The following CDYL2 variants were observed in gnomAD, a reference collection of about 807,000 sequenced individuals.
The protein encoded by CDYL2 is chromodomain Y-like protein 2.
CDYL2 carries 23 observed loss-of-function variants against 49.4 expected under a neutral mutation model. That is an observed-to-expected ratio of 0.47 (90% CI 0.34 to 0.66). CDYL2 has a LOEUF of 0.66. CDYL2 is among the 30% of genes least tolerant of loss of function. CDYL2 has a pLI of 0.01. For missense variants in CDYL2, 678 were observed against 656.4 expected, an observed-to-expected ratio of 1.03 and a Z score of -0.36; for synonymous variants, 360 against 268.8, an observed-to-expected ratio of 1.34 and a Z score of -3.32.
chr16:80,650,938 A>G (rs1908555799), intron 2 of CDYL2, among the ~76,000 whole-genome samples: 3 of 132,632 alleles, frequency 2.3e-5, no homozygotes, highest in Non-Finnish European at 4.7e-5. Context: ...GCTCATAGAA[A>G]TACAGAAGAG....
rs539665502 is a variant in CDYL2 at position 80,777,112 on chromosome 16, G to A, written c.24+27038C>T. The stretch of plus-strand genomic sequence containing the variant: ...GCTAGGATTACAGGCGTGAGTCACC[G>A]TGCCCGGCATGTAAAATTATTTTTT... On this transcript the variant is annotated intron_variant, in intron 1 of 6. Coordinates refer to ENST00000570137, the MANE Select transcript of CDYL2 (RefSeq NM_152342.4). Among the ~76,000 whole-genome samples, 5 of 152,136 alleles carry A rather than the reference G, an allele frequency of 3.3e-5. 1 individual carries two copies. Among genetic ancestry groups the A allele is most frequent in the Admixed American group, 2.6e-4 (4 of 15,278 alleles).
chr16:80,780,102 T>C (rs924485164), intron 1 of CDYL2, among the ~76,000 whole-genome samples: 7 of 152,096 alleles, frequency 4.6e-5, no homozygotes, highest in African/African-American at 9.7e-5. Flanking sequence ...ATAAAGAAAG[T>C]TGTAAAACTG....
chr16:80,684,078 C>T (rs376312576), intron 2 of CDYL2, among the ~76,000 whole-genome samples: 33 of 152,266 alleles, frequency 2.2e-4, no homozygotes, highest in East Asian at 1.4e-3. Flanking sequence ...GAAGACGGCA[C>T]GGACCCCAAC....
At chr16:80,699,849 A>G (rs1017977007) in intron 1 of CDYL2, among the ~76,000 whole-genome samples, 12 of 152,124 alleles carry the variant, frequency 7.9e-5, no homozygotes, top group Admixed American at 5.9e-4. Context: ...AAAGGTAAAT[A>G]ATTAGAATGA....
At chr16:80,758,305 T>C (rs189660691) in intron 1 of CDYL2, among the ~76,000 whole-genome samples, 5 of 151,494 alleles carry the variant, frequency 3.3e-5, no homozygotes, top group Admixed American at 6.6e-5. Flanking sequence ...AACTTACATA[T>C]AGAAGTAATA....
At chr16:80,789,908 A>G (rs950349324) in intron 1 of CDYL2, among the ~76,000 whole-genome samples, 1 of 152,180 alleles carries the variant, frequency 6.6e-6, no homozygotes, top group Non-Finnish European at 1.5e-5. Context: ...TGGGGACTCC[A>G]AAAGGAAAGA....
At chr16:80,691,778 G>C (rs1160152212) in intron 1 of CDYL2, among the ~76,000 whole-genome samples, 1 of 152,078 alleles carries the variant, frequency 6.6e-6, no homozygotes, top group Non-Finnish European at 1.5e-5. Context: ...TTTTAAAAGA[G>C]AGAGAAGAAG....
At chr16:80,670,312 G>A (rs180783930) in intron 2 of CDYL2, among the ~76,000 whole-genome samples, 8 of 152,194 alleles carry the variant, frequency 5.3e-5, no homozygotes, top group Non-Finnish European at 4.4e-5. Context: ...CCCTCATGCT[G>A]TTCTTGTGAT....
intron 1 of CDYL2, among the ~76,000 whole-genome samples, chr16:80,780,143 A>C (rs1907216266): frequency 6.6e-6 from 1 of 152,172 alleles, no homozygotes. Flanking sequence ...CATGAAAAAT[A>C]AGCCTTGCAT....
chr16:80,681,792 C>T (rs115299994), intron 2 of CDYL2, among the ~76,000 whole-genome samples: 782 of 152,268 alleles, frequency 5.1e-3, no homozygotes, highest in African/African-American at 0.018. Context: ...GGCCAGAGGC[C>T]GGCATTCCAA....
At chr16:80,776,671 T>G (rs1907094089) in intron 1 of CDYL2, among the ~76,000 whole-genome samples, 1 of 151,244 alleles carries the variant, frequency 6.6e-6, no homozygotes, top group African/African-American at 2.4e-5. Flanking sequence ...ATAATGATAT[T>G]AACATGGATA....
chr16:80,682,417 T>G (rs538986088), intron 2 of CDYL2, among the ~76,000 whole-genome samples: 1 of 152,268 alleles, frequency 6.6e-6, no homozygotes, highest in South Asian at 2.1e-4. Flanking sequence ...CCATGCCTTA[T>G]CACCAGGTCA....
In CDYL2 at chr16:80,604,104, T is replaced by C; in HGVS notation, c.*284A>G. ...GACCGTCATGGTGCATTTCAGCAAG[T>C]GGGGAAAGGACAGCGGTGCTTGGCG... On this transcript the variant is annotated 3_prime_UTR_variant, in exon 7 of 7. Transcript: ENST00000570137. The C allele has an allele frequency of 4.7e-6, 2 of 426,352 alleles. No homozygotes were observed. The highest frequency in any genetic ancestry group is 7.3e-5 in the Admixed American group (2 of 27,586). 26.4% of individuals were successfully genotyped at this position (426,352 alleles called of 1,614,324 possible).
chr16:80,787,276 C>T (rs1476858896), intron 1 of CDYL2, among the ~76,000 whole-genome samples: 1 of 152,102 alleles, frequency 6.6e-6, no homozygotes, highest in Non-Finnish European at 1.5e-5. Flanking sequence ...ACTGAGAGGT[C>T]TTGGGGACAG....
intron 2 of CDYL2, among the ~76,000 whole-genome samples, chr16:80,669,588 C>T (rs1301264189): frequency 1.3e-5 from 2 of 152,112 alleles, no homozygotes; most frequent in East Asian, 3.9e-4. Flanking sequence ...TCTCCCTCAG[C>T]CGGGGGATGC....
At chr16:80,631,732 T>C (rs1414278693) in intron 3 of CDYL2, among the ~76,000 whole-genome samples, 5 of 152,126 alleles carry the variant, frequency 3.3e-5, no homozygotes. Flanking sequence ...ATTTTAAAAA[T>C]AGGCAAAGGA....
intron 1 of CDYL2, among the ~76,000 whole-genome samples, chr16:80,752,915 T>C (rs1160803658): frequency 3.3e-5 from 5 of 152,168 alleles, no homozygotes; most frequent in African/African-American, 7.2e-5. Context: ...AGGAAATCTA[T>C]CCCATATTGA....
intron 1 of CDYL2, among the ~76,000 whole-genome samples, chr16:80,738,332 C>G (rs908628045): frequency 2.0e-5 from 3 of 151,982 alleles, no homozygotes; most frequent in African/African-American, 7.3e-5. Context: ...AACATACATG[C>G]GCATCTGTCT....
intron 1 of CDYL2, among the ~76,000 whole-genome samples, chr16:80,725,356 A>C (rs1482172249): frequency 6.6e-6 from 1 of 152,120 alleles, no homozygotes; most frequent in Non-Finnish European, 1.5e-5. Flanking sequence ...CTATCCCTTT[A>C]CAACACTTAT....
Sources: gnomAD v4.1 joint callset for allele counts (sites outside exome capture counted in the v4.1 genomes callset) on GRCh38, gnomAD v4.1.1 for gene constraint, MANE v1.5 for transcripts, NCBI Gene and HGNC (gene_info 2026-07-23, HGNC 2026-07-21) for gene names.